Variants in GKN2 observed in about 807,000 individuals in gnomAD.
GKN2 encodes gastrokine-2.
Under a neutral mutation model 22.7 loss-of-function variants are expected in GKN2, and 17 were observed. That is an observed-to-expected ratio of 0.75 (90% CI 0.51 to 1.13). The LOEUF (loss-of-function observed/expected upper bound fraction) is 1.13, where lower values mean the gene tolerates loss of function less well. Among genes scored for constraint, GKN2 ranks in the 50% most tolerant of loss-of-function variants. The probability of loss-of-function intolerance (pLI) is 0.00; values close to 1 mark genes in which losing one functional copy is unlikely to be tolerated. For missense variants in GKN2, 248 were observed against 221.4 expected, an observed-to-expected ratio of 1.12 and a Z score of -0.76; for synonymous variants, 82 against 79.6, an observed-to-expected ratio of 1.03 and a Z score of -0.16.
chr2:68,949,519 C>T (rs1273995213), intron 3 of GKN2, among the ~76,000 whole-genome samples: 1 of 151,786 alleles, frequency 6.6e-6, no homozygotes. Flanking sequence ...TCCTGGGCTC[C>T]AGCAATCCTC....
In GKN2 at chr2:68,948,256, C is replaced by CA. The variant is rs1553423225; in HGVS notation, c.205-1000dup. Among the ~76,000 whole-genome samples, 131 of 141,538 alleles carry CA rather than the reference C, an allele frequency of 9.3e-4. 6 individuals are homozygous for CA. Among genetic ancestry groups the CA allele is most frequent in the South Asian group, 6.5e-3 (29 of 4,464 alleles). 92.9% of individuals were successfully genotyped at this position (141,538 alleles called of 152,430 possible). ...GCGAGACTCCGTCAAAAAAAAAAAA[C>CA]AAAAAAAAAAAACTGTGCTGTCCAA... On this transcript the variant is annotated intron_variant, in intron 3 of 5. Coordinates refer to ENST00000328895, the MANE Select transcript of GKN2 (RefSeq NM_182536.3).
intron 1 of GKN2, among the ~76,000 whole-genome samples, chr2:68,951,576 A>G (rs1453605904): frequency 6.6e-6 from 1 of 152,172 alleles, no homozygotes; most frequent in Non-Finnish European, 1.5e-5. Flanking sequence ...GAAGGGGGAT[A>G]TTTTTAAGAA....
chr2:68,950,899 C>A, intron 1 of GKN2, 144 bp from the exon 2 acceptor site: 1 of 745,802 alleles, frequency 1.3e-6, no homozygotes, highest in South Asian at 1.6e-5. Context: ...TCAGCACTCC[C>A]TTTCCACGCA....
At chr2:68,952,121 A>G (rs1198206738) in intron 1 of GKN2, among the ~76,000 whole-genome samples, 1 of 152,208 alleles carries the variant, frequency 6.6e-6, no homozygotes, top group East Asian at 1.9e-4. Flanking sequence ...GGGGCACTGC[A>G]ATGTGGAACT....
intron 3 of GKN2, 75 bp downstream of exon 3, chr2:68,950,051 C>A: frequency 8.6e-7 from 1 of 1,159,122 alleles, no homozygotes; most frequent in South Asian, 1.9e-5. Flanking sequence ...AGTATATATG[C>A]CCCATATATA....
intron 1 of GKN2, among the ~76,000 whole-genome samples, chr2:68,950,956 A>C (rs74361290): frequency 0.025 from 3,767 of 152,228 alleles, 145 homozygotes; most frequent in African/African-American, 0.086. Flanking sequence ...GCATTTGTTG[A>C]GTTCATTCTA....
chr2:68,945,446 A>G lies in GKN2; in HGVS notation c.477T>C (p.Asn159=). The G allele has an allele frequency of 1.9e-6, 3 of 1,604,940 alleles. 1 individual carries two copies. The highest frequency in any genetic ancestry group is 1.7e-4 in the Middle Eastern group (1 of 6,028). The change falls in exon 6 of 6, where the codon AAT becomes AAC. Residue 159 remains asparagine, a synonymous_variant. Transcript: ENST00000328895. ...CCTTTGCACAGCCTCCAGCACCGAC[A>G]TTATCTGGAAAAGGGAAAATTTTTC... ...YKGEVVENTH[N]VGAGGCAKAG...
intron 5 of GKN2, chr2:68,945,994 A>C (rs897345815): frequency 2.6e-6 from 1 of 385,082 alleles, no homozygotes; most frequent in African/African-American, 2.1e-5. Flanking sequence ...TGCTACTTGA[A>C]ATTCTTACAT....
Position 68,950,236 on chromosome 2 carries a change from T to G in GKN2, c.94A>C (p.Asn32His). 6.2e-7 allele frequency: 1 copy of G among 1,613,682 alleles called. No individual in the cohort carries two copies. The highest frequency in any genetic ancestry group is 8.5e-7 in the Non-Finnish European group (1 of 1,179,780). The part of the protein sequence containing the change: ...EVFNIISPSN[N>H]GGNVQETVTI... The stretch of plus-strand genomic sequence containing the variant: ...ACTGTCTCCTGAACATTGCCACCAT[T>G]GTTGCTTGGGCTGATGATGTTAAAA... The change falls in exon 3 of 6, where the codon AAT becomes CAT. Residue 32 changes from asparagine (N) to histidine (H), a missense_variant. By Grantham distance (68) the Asn-to-His change is moderately conservative. Transcript: ENST00000328895.
intron 3 of GKN2, 68 bp downstream of exon 3, chr2:68,950,058 T>C (rs1429831384): frequency 8.4e-6 from 11 of 1,313,610 alleles, no homozygotes; most frequent in African/African-American, 1.5e-5. Context: ...ATGCCCCATA[T>C]ATATATAGAT....
intron 4 of GKN2, among the ~76,000 whole-genome samples, chr2:68,946,885 G>A (rs1669779410): frequency 6.6e-6 from 1 of 152,120 alleles, no homozygotes; most frequent in African/African-American, 2.4e-5. Context: ...AAGCTGATCA[G>A]TCCTTGCTAT....
chr2:68,950,855 T>G, intron 1 of GKN2, 100 bp from the exon 2 acceptor site: 1 of 1,202,380 alleles, frequency 8.3e-7, no homozygotes. Flanking sequence ...TCTCAGAAAA[T>G]GTACACCTAG....
chr2:68,949,423 T>A (rs559602797), intron 3 of GKN2, among the ~76,000 whole-genome samples: 22 of 152,096 alleles, frequency 1.4e-4, no homozygotes, highest in African/African-American at 4.8e-4. Context: ...TAATTATTTA[T>A]TTATTTATTT....
rs1384944491 is a variant in GKN2 at position 68,952,648 on chromosome 2, A to C, written c.12+202T>G. 2.0e-5 allele frequency among the ~76,000 whole-genome samples: 3 copies of C among 152,190 alleles called. No individual in the cohort carries two copies. In the East Asian group the frequency reaches 5.8e-4, roughly 29 times the overall value. Reference sequence around the variant, plus strand: ...TATTTTTGAATTTTCTTTTAAGTAAACATCTCAAAACAGGAAAAGGACAAA... The same window carrying C: ...TATTTTTGAATTTTCTTTTAAGTAACCATCTCAAAACAGGAAAAGGACAAA... On this transcript the variant is annotated intron_variant, in intron 1 of 5. Coordinates refer to ENST00000328895, the MANE Select transcript of GKN2 (RefSeq NM_182536.3).
At chr2:68,952,468 C>T (rs1385701148) in intron 1 of GKN2, among the ~76,000 whole-genome samples, 2 of 152,076 alleles carry the variant, frequency 1.3e-5, no homozygotes, top group Non-Finnish European at 2.9e-5. Context: ...ATGAGAGGTA[C>T]TATTATTACT....
In GKN2 at chr2:68,951,491, C is replaced by G. The variant is rs78532684; in HGVS notation, c.13-736G>C. ...CTCTTCTGAACATCAGTGAACTGTA[C>G]TATCGCTGAAAACTACATCAGTACA... On this transcript the variant is annotated intron_variant, in intron 1 of 5. Transcript: ENST00000328895. 9.8e-3 allele frequency among the ~76,000 whole-genome samples: 1,495 copies of G among 152,344 alleles called. 20 individuals carry two copies. Among genetic ancestry groups the G allele is most frequent in the African/African-American group, 0.033 (1,388 of 41,574 alleles).
chr2:68,950,185 C>A lies in GKN2; in HGVS notation c.145G>T (p.Ala49Ser), dbSNP rs760730184. Residue 49 changes from alanine to serine, a missense_variant, in exon 3 of 6, where the codon GCC becomes TCC. By Grantham distance (99) the Ala-to-Ser change is moderately conservative. Coordinates refer to ENST00000328895, the MANE Select transcript of GKN2 (RefSeq NM_182536.3). ...GATCCTGCATGGATGTTAATGATGGCGGTATTTTTTTCATTATCAATTGTC... is the reference window on the plus strand; with the variant it reads ...GATCCTGCATGGATGTTAATGATGGAGGTATTTTTTTCATTATCAATTGTC... ...TVTIDNEKNT[A>S]IINIHAGSCS... is the part of the protein sequence containing the mutation. 4.3e-6 allele frequency: 7 copies of A among 1,613,714 alleles called. No individual in the cohort carries two copies. The highest frequency in any genetic ancestry group is 1.7e-5 in the Admixed American group (1 of 59,990).
chr2:68,951,527 C>A (rs952013893), intron 1 of GKN2, among the ~76,000 whole-genome samples: 1 of 152,204 alleles, frequency 6.6e-6, no homozygotes, highest in African/African-American at 2.4e-5. Context: ...TAGTTGACTG[C>A]ACTGTCATTT....
rs140417428 is a variant in GKN2, at chr2:68,952,779, G to A, written c.12+71C>T. 9.1e-4 allele frequency: 1,387 copies of A among 1,516,016 alleles called. 13 individuals are homozygous for A. The African/African-American group carries it at 0.017, about 19-fold the overall frequency. The allele number at this position is 1,516,016 out of a possible 1,614,324, so 93.9% of individuals were successfully genotyped here. A position where few individuals can be genotyped will look rare whatever the true frequency, so the allele number is the denominator to read the frequency against. On this transcript the variant is annotated intron_variant, in intron 1 of 5. Coordinates refer to ENST00000328895, the MANE Select transcript of GKN2 (RefSeq NM_182536.3). ...CTGTCTAAGACTCCCAAAATCCATG[G>A]CATATTAGATATGAGCATTGTCTGC...
Sources: allele counts gnomAD v4.1 joint callset (sites outside exome capture counted in the v4.1 genomes callset), GRCh38; gene constraint gnomAD v4.1.1; transcripts MANE v1.5; gene names NCBI Gene and HGNC (gene_info 2026-07-23, HGNC 2026-07-21).